TARS1: variants seen among roughly 807,000 people sequenced by gnomAD.
TARS1 encodes threonyl-tRNA synthetase 1, also known as threonine--tRNA ligase 1, cytoplasmic.
In TARS1, 57 loss-of-function variants were observed where a neutral mutation model predicts 97.7. The observed-to-expected ratio is 0.58, with a 90% confidence interval of 0.47 to 0.73. The LOEUF is 0.73. Ranked by LOEUF, TARS1 falls within the 30% of genes least tolerant of loss-of-function variation. The pLI, the probability that TARS1 is intolerant of heterozygous loss-of-function variation, is 0.00. For synonymous variants in TARS1, 312 were observed against 293.7 expected (o/e 1.06, Z -0.64); for missense variants, 806 against 888.3 (o/e 0.91, Z 1.18).
At position 33,455,561 on chromosome 5, in the gene TARS1, A is replaced by C. The variant is rs762554595; in HGVS notation, c.576-26A>C. 5 of 1,469,290 alleles carry C rather than the reference A, an allele frequency of 3.4e-6. No individual in the cohort carries two copies. In the South Asian group the frequency reaches 3.8e-5, roughly 11 times the overall value. The allele number at this position is 1,469,290 out of a possible 1,614,324, so 91.0% of individuals were successfully genotyped here. ...CCATGGTGTGATTCGAATGGAATGA[A>C]AAGATTATACTTTCTTCTCCTTCAG... is the stretch of plus-strand genomic sequence containing the variant. On this transcript the variant is annotated intron_variant, in intron 5 of 18. Coordinates refer to ENST00000265112, the MANE Select transcript of TARS1 (RefSeq NM_152295.5).
intron 8 of TARS1, 114 bp from the exon 9 acceptor site, chr5:33,457,143 T>C: frequency 7.8e-7 from 1 of 1,285,166 alleles, no homozygotes; most frequent in Non-Finnish European, 1.1e-6. Context: ...AACAGCCAAC[T>C]TTGTGCTGCA....
Position 33,467,002 on chromosome 5 carries a change from A to G in TARS1, c.2023+17A>G. The G allele has an allele frequency of 6.6e-7, 1 of 1,512,106 alleles. No individual in the cohort carries two copies. Among genetic ancestry groups the G allele is most frequent in the Non-Finnish European group, 8.9e-7 (1 of 1,125,744 alleles). The allele number at this position is 1,512,106 out of a possible 1,614,324, so 93.7% of individuals were successfully genotyped here. On this transcript the variant is annotated intron_variant, in intron 18 of 18. Coordinates refer to ENST00000265112, the MANE Select transcript of TARS1 (RefSeq NM_152295.5). ...TCATTTTAGGTAAGAATGGAAACTT[A>G]CCAAAGAAAATTTGCCACACCTCAG...
chr5:33,445,640 T>C (rs1226841967), intron 2 of TARS1, among the ~76,000 whole-genome samples: 2 of 152,186 alleles, frequency 1.3e-5, no homozygotes, highest in African/African-American at 2.4e-5. Context: ...GATGATCTGA[T>C]TGTAGGGTTG....
chr5:33,452,445 TGCTTTATCCTCAAA>T (rs1435138180), intron 3 of TARS1: 5 of 1,533,894 alleles, frequency 3.3e-6, no homozygotes, highest in Non-Finnish European at 4.4e-6. Flanking sequence ...TTCCTGTGAG[TGCTTTATCCTCAAA>T]GCCTTTCCAG....
At chr5:33,441,847 G>A (rs1231033983) in intron 1 of TARS1, 1 of 152,262 alleles carries the variant, frequency 6.6e-6, no homozygotes, top group African/African-American at 2.4e-5. Flanking sequence ...CAGGCAGGAC[G>A]GGGCTTCCCA....
chr5:33,455,628 G>C lies in TARS1; in HGVS notation c.617G>C (p.Cys206Ser), dbSNP rs765563038. Residue 206 changes from cysteine (C) to serine (S), a missense_variant, in exon 6 of 19, where the codon TGT becomes TCT. This residue lies in a region of TARS1 where 356 missense variants were observed against 357.8 expected (regional missense o/e 0.99). Transcript: ENST00000265112. ...SNDFSSLEALCKKIIKEKQAF... is the reference protein window; with the variant it reads ...SNDFSSLEALSKKIIKEKQAF... ...GATTTCTCTTCTCTGGAGGCTTTGT[G>C]TAAGAAAATCATTAAAGAAAAACAA... 1 of 1,612,906 alleles carries C rather than the reference G, an allele frequency of 6.2e-7. No homozygotes were observed. The highest frequency in any genetic ancestry group is 2.2e-5 in the East Asian group (1 of 44,836).
chr5:33,441,358 C>G (rs922579337), intron 1 of TARS1: 3 of 582,182 alleles, frequency 5.2e-6, no homozygotes, highest in Non-Finnish European at 9.2e-6. Flanking sequence ...ATCTGTGGGT[C>G]CATTCTCTTT....
In TARS1 at chr5:33,458,577, A is replaced by T. The variant is rs760365305; in HGVS notation, c.996A>T (p.Leu332=). The change falls in exon 10 of 19, where the codon CTA becomes CTT. Residue 332 remains leucine (L), a synonymous_variant. Transcript: ENST00000265112. The part of the protein sequence containing the change: ...DHRKIGRDQE[L]YFFHELSPGS... ...TTTCTTTTACCCAGGACCAAGAACT[A>T]TATTTCTTTCATGAACTCAGCCCTG... The T allele has an allele frequency of 6.2e-7, 1 of 1,613,146 alleles. No individual in the cohort carries two copies. The highest frequency in any genetic ancestry group is 8.5e-7 in the Non-Finnish European group (1 of 1,179,620).
chr5:33,458,029 C>T (rs1742111996), intron 9 of TARS1, among the ~76,000 whole-genome samples: 1 of 152,138 alleles, frequency 6.6e-6, no homozygotes, highest in Non-Finnish European at 1.5e-5. Flanking sequence ...ATTGATGGGC[C>T]CTTCCCTGAG....
At chr5:33,440,794 A>ATGTAGCTTCTGCAG (rs2111904743), upstream of TARS1, 1 of 530,316 alleles carries the variant, frequency 1.9e-6, no homozygotes, top group South Asian at 2.7e-5. Flanking sequence ...GAGAGTAGGC[A>ATGTAGCTTCTGCAG]TGTAGCTTCT....
intron 3 of TARS1, among the ~76,000 whole-genome samples, chr5:33,449,709 C>T (rs944518030): frequency 6.6e-6 from 1 of 152,026 alleles, no homozygotes; most frequent in Non-Finnish European, 1.5e-5. Context: ...TCCGCCTCGG[C>T]CTCCCAAAGT....
At chr5:33,449,258 G>A (rs1741581418) in intron 3 of TARS1, among the ~76,000 whole-genome samples, 2 of 151,138 alleles carry the variant, frequency 1.3e-5, no homozygotes, top group Admixed American at 1.3e-4. Flanking sequence ...AATCTGATAT[G>A]ATTGGGATCA....
chr5:33,443,726 A>G (rs1741267770), intron 1 of TARS1, among the ~76,000 whole-genome samples: 1 of 152,010 alleles, frequency 6.6e-6, no homozygotes, highest in South Asian at 2.1e-4. Flanking sequence ...CGATCTCCTG[A>G]CCTCGTGATC....
chr5:33,463,564 C>T (rs2111593621), intron 16 of TARS1, among the ~76,000 whole-genome samples, 189 bp from the exon 17 acceptor site: 1 of 152,314 alleles, frequency 6.6e-6, no homozygotes, highest in East Asian at 1.9e-4. Context: ...TAGTTTTCTT[C>T]TCCTGCATCT....
chr5:33,466,180 C>T (rs1313938043), intron 17 of TARS1: 3 of 152,250 alleles, frequency 2.0e-5, no homozygotes, highest in Non-Finnish European at 4.4e-5. Context: ...TCCAACTTTC[C>T]TGTTCTTCCT....
At position 33,461,748 on chromosome 5, in the gene TARS1, A is replaced by G. The variant is rs1164292251; in HGVS notation, c.1629+4A>G. 1.2e-6 allele frequency: 2 copies of G among 1,611,904 alleles called. No individual in the cohort carries two copies. The highest frequency in any genetic ancestry group is 1.7e-6 in the Non-Finnish European group (2 of 1,178,428). On this transcript the variant is annotated splice_donor_region_variant and intron_variant, in intron 14 of 18. Coordinates refer to ENST00000265112, the MANE Select transcript of TARS1 (RefSeq NM_152295.5). ...TGGAGCTTTCTATGGCCCAAAGGTGAGCACTAAAGTACATTTGGGTAATAT... is the reference window on the plus strand; with the variant it reads ...TGGAGCTTTCTATGGCCCAAAGGTGGGCACTAAAGTACATTTGGGTAATAT...
At chr5:33,457,664 A>G (rs1436565207) in intron 9 of TARS1, among the ~76,000 whole-genome samples, 1 of 152,224 alleles carries the variant, frequency 6.6e-6, no homozygotes, top group East Asian at 1.9e-4. Flanking sequence ...GGTTTTCTGT[A>G]AAAGAAGTAT....
At chr5:33,453,466 G>C (rs1741854216) in intron 4 of TARS1, 54 bp downstream of exon 4, 5 of 1,605,446 alleles carry the variant, frequency 3.1e-6, no homozygotes, top group Non-Finnish European at 4.2e-6. Flanking sequence ...CACATTTGAA[G>C]TCTTTTCCAG....
chr5:33,460,174 G>A (rs12520517), intron 11 of TARS1, among the ~76,000 whole-genome samples: 9,842 of 151,994 alleles, frequency 0.065, 475 homozygotes, highest in East Asian at 0.22. Flanking sequence ...GTCTTGCCAC[G>A]TTGCTCAGCC....
Sources: gnomAD v4.1 joint callset for allele counts (sites outside exome capture counted in the v4.1 genomes callset) on GRCh38, gnomAD v4.1.1 for gene constraint, gnomAD v4.1.1 regional missense constraint, MANE v1.5 for transcripts, NCBI Gene and HGNC (gene_info 2026-07-23, HGNC 2026-07-21) for gene names.